WNT2B: variants seen among roughly 807,000 people sequenced by gnomAD.
WNT2B encodes protein Wnt-2b.
Under a neutral mutation model 40.5 loss-of-function variants are expected in WNT2B, and 19 were observed. The ratio of observed to expected loss-of-function variants is 0.47; its 90% CI spans 0.33 to 0.69. The LOEUF (loss-of-function observed/expected upper bound fraction) is 0.69. Among genes scored for constraint, WNT2B ranks in the 30% least tolerant of loss-of-function variants. The pLI is 0.02. For synonymous variants in WNT2B, 220 were observed against 211.9 expected (o/e 1.04, Z -0.33); for missense variants, 467 against 556.4 (o/e 0.84, Z 1.62).
intron 1 of WNT2B, among the ~76,000 whole-genome samples, chr1:112,490,801 T>C (rs1272855206): frequency 1.3e-5 from 2 of 152,092 alleles, no homozygotes; most frequent in Non-Finnish European, 2.9e-5. Context: ...AGAACTCATA[T>C]TCTTAATGAA....
chr1:112,504,915 G>A (rs1341961662), upstream of WNT2B, among the ~76,000 whole-genome samples: 1 of 152,134 alleles, frequency 6.6e-6, no homozygotes, highest in Non-Finnish European at 1.5e-5. Flanking sequence ...GGTGGGGTAA[G>A]AGCTGTTTAC....
chr1:112,516,974 T>A, intron 3 of WNT2B, 147 bp from the exon 4 acceptor site: 1 of 1,034,916 alleles, frequency 9.7e-7, no homozygotes, highest in African/African-American at 1.6e-5. Flanking sequence ...ATGGGTGGGA[T>A]CTGATGTGGG....
chr1:112,489,214 A>G (rs996791241), intron 1 of WNT2B, among the ~76,000 whole-genome samples: 2 of 152,136 alleles, frequency 1.3e-5, no homozygotes, highest in African/African-American at 2.4e-5. Context: ...GCACATCTAT[A>G]TAGTAACAAG....
intron 1 of WNT2B, among the ~76,000 whole-genome samples, chr1:112,484,298 C>CATATAT (rs1553230306): frequency 8.6e-6 from 1 of 116,442 alleles, no homozygotes; most frequent in African/African-American, 4.0e-5. Flanking sequence ...TATACACACA[C>CATATAT]ATATATATAG....
intron 1 of WNT2B, among the ~76,000 whole-genome samples, chr1:112,471,835 A>AT (rs1650889694): frequency 6.6e-6 from 1 of 152,270 alleles, no homozygotes; most frequent in South Asian, 2.1e-4. Context: ...GTGTAAAATT[A>AT]TAAGTGGGCA....
chr1:112,516,625 G>C (rs749048469), intron 3 of WNT2B, among the ~76,000 whole-genome samples: 52 of 152,192 alleles, frequency 3.4e-4, no homozygotes, highest in Non-Finnish European at 5.9e-4. Context: ...CTTCACATAG[G>C]TGGAAAGTAG....
At chr1:112,473,085 A>AAGAT (rs1370465981) in intron 1 of WNT2B, among the ~76,000 whole-genome samples, 6 of 147,868 alleles carry the variant, frequency 4.1e-5, no homozygotes, top group African/African-American at 1.5e-4. Context: ...GAAAGAAAGA[A>AAGAT]ACACGGAAGG....
At chr1:112,482,775 T>C (rs561285654) in intron 1 of WNT2B, among the ~76,000 whole-genome samples, 3 of 152,072 alleles carry the variant, frequency 2.0e-5, no homozygotes, top group Non-Finnish European at 4.4e-5. Context: ...TTATAAAACA[T>C]TGAAGGAAAT....
intron 1 of WNT2B, among the ~76,000 whole-genome samples, chr1:112,484,218 C>T (rs375036711): frequency 7.2e-6 from 1 of 138,384 alleles, no homozygotes; most frequent in African/African-American, 2.8e-5. Context: ...TATATATATA[C>T]ACATATATAT....
chr1:112,510,796 A>C (rs922985828), intron 1 of WNT2B, among the ~76,000 whole-genome samples: 1 of 151,966 alleles, frequency 6.6e-6, no homozygotes, highest in Non-Finnish European at 1.5e-5. Context: ...CTGGCTTGAA[A>C]CATTCTTTTA....
intron 1 of WNT2B, among the ~76,000 whole-genome samples, chr1:112,512,444 T>TC (rs1652389828): frequency 6.6e-6 from 1 of 152,140 alleles, no homozygotes; most frequent in South Asian, 2.1e-4. Flanking sequence ...TTCTAACGAA[T>TC]CCCCACATGA....
intron 1 of WNT2B, among the ~76,000 whole-genome samples, chr1:112,482,199 G>C (rs1259211307): frequency 2.0e-5 from 3 of 151,746 alleles, no homozygotes; most frequent in Non-Finnish European, 2.9e-5. Flanking sequence ...CATGCCTGTG[G>C]TTCCAACTAT....
upstream of WNT2B, among the ~76,000 whole-genome samples, chr1:112,507,897 G>T (rs1250080671): frequency 6.6e-6 from 1 of 152,210 alleles, no homozygotes; most frequent in Non-Finnish European, 1.5e-5. Context: ...CTGACGGAGG[G>T]CCACAGTGCC....
chr1:112,480,777 G>A (rs541699888), intron 1 of WNT2B, among the ~76,000 whole-genome samples: 7 of 152,100 alleles, frequency 4.6e-5, no homozygotes, highest in Non-Finnish European at 7.4e-5. Context: ...AAGATACTCC[G>A]AGAAAAGAAA....
chr1:112,519,472 G>A (rs1281091846), intron 4 of WNT2B, among the ~76,000 whole-genome samples: 1 of 152,002 alleles, frequency 6.6e-6, no homozygotes, highest in Non-Finnish European at 1.5e-5. Flanking sequence ...GCTCTCATGG[G>A]CCCAACTCAT....
At chr1:112,502,627 C>A (rs533443784) in intron 1 of WNT2B, among the ~76,000 whole-genome samples, 1 of 152,298 alleles carries the variant, frequency 6.6e-6, no homozygotes, top group South Asian at 2.1e-4. Flanking sequence ...CCTGCGTGTC[C>A]ACGGTCCCCA....
intron 1 of WNT2B, among the ~76,000 whole-genome samples, chr1:112,489,686 C>T (rs921738503): frequency 1.3e-5 from 2 of 152,204 alleles, no homozygotes; most frequent in East Asian, 3.8e-4. Flanking sequence ...GATATATTTC[C>T]TCATCCCATT....
intron 1 of WNT2B, chr1:112,490,954 T>C (rs1484302197): frequency 6.5e-7 from 1 of 1,527,316 alleles, no homozygotes; most frequent in Non-Finnish European, 9.1e-7. Flanking sequence ...CTCTTCCTGC[T>C]GAAAATCCAT....
chr1:112,529,604 G>C lies in WNT2B; in HGVS notation c.*9095G>C, dbSNP rs1170069052. On this transcript the variant is annotated 3_prime_UTR_variant, in exon 5 of 5. Coordinates refer to ENST00000369684, the MANE Select transcript of WNT2B (RefSeq NM_024494.3). ...TCCCAGAGAAGCTATTATAAGATAGGCATAGAGACAGAAGTCTCAACTTGT... is the reference window on the plus strand; with the variant it reads ...TCCCAGAGAAGCTATTATAAGATAGCCATAGAGACAGAAGTCTCAACTTGT... The C allele has an allele frequency of 6.6e-6, 1 of 152,000 alleles. No homozygotes were observed. Among genetic ancestry groups the C allele is most frequent in the Admixed American group, 6.6e-5 (1 of 15,262 alleles). 9.4% of individuals were successfully genotyped at this position (152,000 alleles called of 1,614,324 possible).
Sources: allele counts gnomAD v4.1 joint callset (sites outside exome capture counted in the v4.1 genomes callset), GRCh38; gene constraint gnomAD v4.1.1; transcripts MANE v1.5; gene names NCBI Gene and HGNC (gene_info 2026-07-23, HGNC 2026-07-21).